Variants in NRCAM observed in about 807,000 individuals in gnomAD.
NRCAM encodes NgCAM-related cell adhesion molecule.
Under a neutral mutation model 156.5 loss-of-function variants are expected in NRCAM, and 83 were observed. The ratio of observed to expected loss-of-function variants is 0.53; its 90% CI spans 0.44 to 0.64. The LOEUF (loss-of-function observed/expected upper bound fraction) is 0.64, where lower values mean the gene tolerates loss of function less well. NRCAM is among the 30% of genes least tolerant of loss of function. The pLI, the probability that NRCAM is intolerant of heterozygous loss-of-function variation, is 0.00. For synonymous variants in NRCAM, 538 were observed against 563.9 expected (o/e 0.95, Z 0.65); for missense variants, 1,417 against 1,597.3 (o/e 0.89, Z 1.92).
intron 2 of NRCAM, among the ~76,000 whole-genome samples, chr7:108,380,478 A>G (rs1420193231): frequency 6.6e-6 from 1 of 152,164 alleles, no homozygotes; most frequent in Non-Finnish European, 1.5e-5. Context: ...TAAGTCTTAA[A>G]TGTCCCTTTT....
At chr7:108,292,528 A>T (rs1044142913) in intron 3 of NRCAM, among the ~76,000 whole-genome samples, 44 of 152,214 alleles carry the variant, frequency 2.9e-4, no homozygotes, top group African/African-American at 9.9e-4. Context: ...ACACAGAGTT[A>T]AGTAAAAAAT....
At chr7:108,250,867 C>T (rs751986323) in intron 3 of NRCAM, among the ~76,000 whole-genome samples, 8 of 151,814 alleles carry the variant, frequency 5.3e-5, no homozygotes, top group Non-Finnish European at 1.2e-4. Flanking sequence ...CTCACACACC[C>T]CATAAATATA....
intron 15 of NRCAM, among the ~76,000 whole-genome samples, chr7:108,194,850 C>T (rs1012473352): frequency 2.6e-5 from 4 of 152,234 alleles, no homozygotes; most frequent in Non-Finnish European, 4.4e-5. Flanking sequence ...TTCATTCCTT[C>T]TGAGCCATTG....
chr7:108,150,526 A>T (rs1160310090), intron 32 of NRCAM, among the ~76,000 whole-genome samples: 4 of 152,238 alleles, frequency 2.6e-5, no homozygotes, highest in Non-Finnish European at 5.9e-5. Flanking sequence ...TAAAGAAGTT[A>T]GTATGTTAAA....
chr7:108,367,829 G>T (rs1012678258), intron 2 of NRCAM, among the ~76,000 whole-genome samples: 1 of 152,072 alleles, frequency 6.6e-6, no homozygotes, highest in Non-Finnish European at 1.5e-5. Context: ...GGAAAATGTG[G>T]TAATCCACTT....
chr7:108,156,885 G>T (rs184258837), intron 32 of NRCAM, among the ~76,000 whole-genome samples: 10 of 152,172 alleles, frequency 6.6e-5, no homozygotes, highest in South Asian at 2.1e-4. Flanking sequence ...TAAACAGTTG[G>T]AACTGTTTTC....
In NRCAM at chr7:108,167,381, G is replaced by A. The variant is rs940967023; in HGVS notation, c.3314-308C>T. Among the ~76,000 whole-genome samples the A allele has an allele frequency of 4.4e-4, 67 of 152,114 alleles. 2 individuals carry two copies. Among genetic ancestry groups the A allele is most frequent in the Non-Finnish European group, 2.2e-4 (15 of 68,020 alleles). ...TATCTGCACCTTGCCTTATGAAACT[G>A]TTGAGTTTCTCTAAAGATGTTTCTC... is the stretch of plus-strand genomic sequence containing the variant. On this transcript the variant is annotated intron_variant, in intron 29 of 32. Coordinates refer to ENST00000379028, the MANE Select transcript of NRCAM (RefSeq NM_001037132.4).
chr7:108,393,222 AG>A (rs2154379712), intron 2 of NRCAM, among the ~76,000 whole-genome samples: 1 of 152,152 alleles, frequency 6.6e-6, no homozygotes, highest in African/African-American at 2.4e-5. Context: ...ACCCAGTTCG[AG>A]CTTCCCGGCA....
At chr7:108,153,925 G>A (rs930122428) in intron 32 of NRCAM, among the ~76,000 whole-genome samples, 1 of 152,072 alleles carries the variant, frequency 6.6e-6, no homozygotes, top group Non-Finnish European at 1.5e-5. Flanking sequence ...AAGAAGATCT[G>A]AATGAATGGA....
At chr7:108,293,992 C>G (rs909811297) in intron 3 of NRCAM, among the ~76,000 whole-genome samples, 2 of 152,100 alleles carry the variant, frequency 1.3e-5, no homozygotes, top group African/African-American at 4.8e-5. Flanking sequence ...CCCTAAATTT[C>G]TCATACTCTT....
chr7:108,182,988 C>T, intron 22 of NRCAM, 68 bp from the exon 23 acceptor site: 1 of 1,268,728 alleles, frequency 7.9e-7, no homozygotes, highest in Non-Finnish European at 1.1e-6. Flanking sequence ...ACAGGAACAG[C>T]AAATTCAATT....
chr7:108,346,671 T>C (rs1000956720), intron 2 of NRCAM, among the ~76,000 whole-genome samples: 4 of 152,134 alleles, frequency 2.6e-5, no homozygotes, highest in African/African-American at 4.8e-5. Context: ...TGCATGAGAT[T>C]TGGGAAGATT....
At chr7:108,336,647 C>T (rs190881737) in intron 2 of NRCAM, among the ~76,000 whole-genome samples, 138 of 152,284 alleles carry the variant, frequency 9.1e-4, no homozygotes, top group African/African-American at 3.1e-3. Flanking sequence ...GAAACCCAAC[C>T]TAATTCTATA....
rs538098120 is a variant in NRCAM, at chr7:108,337,227, C to T, written c.-173-24496G>A. Among the ~76,000 whole-genome samples the T allele has an allele frequency of 5.3e-5, 8 of 149,978 alleles. No individual in the cohort carries two copies. The East Asian group carries it at 1.6e-3, about 30-fold the overall frequency. On this transcript the variant is annotated intron_variant, in intron 2 of 32. Coordinates refer to ENST00000379028, the MANE Select transcript of NRCAM (RefSeq NM_001037132.4). ...GCAGTGAGCTGAGACTGTGCCACTGCACTCCAGCCTGGGTGACAAAATGAG... is the reference window on the plus strand; with the variant it reads ...GCAGTGAGCTGAGACTGTGCCACTGTACTCCAGCCTGGGTGACAAAATGAG...
intron 2 of NRCAM, among the ~76,000 whole-genome samples, chr7:108,317,514 T>C (rs989305295): frequency 4.6e-5 from 7 of 152,162 alleles, no homozygotes; most frequent in African/African-American, 4.8e-5. Context: ...AAAAATTTTA[T>C]ATGGCAGATA....
rs1175279284 is a variant in NRCAM, at chr7:108,437,263, G to C, written c.-332+18980C>G. On this transcript the variant is annotated intron_variant, in intron 1 of 32. Coordinates refer to ENST00000379028, the MANE Select transcript of NRCAM (RefSeq NM_001037132.4). ...ATAGAAAGTAGGAGGATGGTTACCA[G>C]AGGCTAGGAAGAGTGGGAAGTGGGG... Among the ~76,000 whole-genome samples the C allele has an allele frequency of 2.0e-5, 3 of 152,164 alleles. No homozygotes were observed. The East Asian group carries it at 5.8e-4, about 29-fold the overall frequency.
At chr7:108,210,097 C>T (rs1381439205) in intron 11 of NRCAM, among the ~76,000 whole-genome samples, 1 of 151,706 alleles carries the variant, frequency 6.6e-6, no homozygotes, top group Non-Finnish European at 1.5e-5. Flanking sequence ...TCCTATTTTA[C>T]AGCAGTCTAT....
intron 11 of NRCAM, among the ~76,000 whole-genome samples, chr7:108,214,135 C>G (rs1354847303): frequency 3.3e-5 from 5 of 152,160 alleles, no homozygotes; most frequent in Non-Finnish European, 2.9e-5. Context: ...AGGATACCCT[C>G]TTTTTCTGTT....
At chr7:108,152,026 AC>A (rs552946974) in intron 32 of NRCAM, among the ~76,000 whole-genome samples, 60 of 152,310 alleles carry the variant, frequency 3.9e-4, no homozygotes, top group South Asian at 8.3e-4. Context: ...TGTTCTCGGC[AC>A]TGGGAATATA....
Sources: gnomAD v4.1 joint callset for allele counts (sites outside exome capture counted in the v4.1 genomes callset) on GRCh38, gnomAD v4.1.1 for gene constraint, MANE v1.5 for transcripts, NCBI Gene and HGNC (gene_info 2026-07-23, HGNC 2026-07-21) for gene names.